AGMO: variants seen among roughly 807,000 people sequenced by gnomAD.
AGMO encodes the protein glyceryl-ether monooxygenase.
Under a neutral mutation model 60.2 loss-of-function variants are expected in AGMO, and 75 were observed. The observed-to-expected ratio is 1.25, with a 90% CI of 1.03 to 1.51. The LOEUF (loss-of-function observed/expected upper bound fraction) is 1.51, where lower values mean the gene tolerates loss of function less well. Among genes scored for constraint, AGMO ranks in the 40% most tolerant of loss-of-function variants. The pLI is 0.00. For synonymous variants in AGMO, 261 were observed against 177.1 expected (o/e 1.47, Z -3.76); for missense variants, 763 against 525.5 (o/e 1.45, Z -4.42).
At chr7:15,394,271 A>C (rs986774498) in intron 5 of AGMO, 92 bp from the exon 6 acceptor site, 5 of 996,942 alleles carry the variant, frequency 5.0e-6, no homozygotes, top group Middle Eastern at 2.4e-4. Flanking sequence ...ACATAAATTA[A>C]GAGATATTGC....
chr7:15,132,500 C>G, the AGMO span, among the ~76,000 whole-genome samples: 7 of 152,282 alleles, frequency 4.6e-5, no homozygotes, highest in Non-Finnish European at 1.0e-4. Flanking sequence ...CTCCAACTTA[C>G]AAACCTCAGT....
At chr7:15,518,261 T>C (rs1207909098) in intron 3 of AGMO, among the ~76,000 whole-genome samples, 1 of 152,142 alleles carries the variant, frequency 6.6e-6, no homozygotes, top group Non-Finnish European at 1.5e-5. Flanking sequence ...GACTTAAACA[T>C]TCCTGCCTGC....
chr7:15,321,005 T>C (rs1169463988), intron 12 of AGMO, among the ~76,000 whole-genome samples: 1 of 152,154 alleles, frequency 6.6e-6, no homozygotes, highest in Admixed American at 6.6e-5. Flanking sequence ...ACTCACCCTG[T>C]CCTAGCAATA....
intron 12 of AGMO, among the ~76,000 whole-genome samples, chr7:15,239,271 T>G (rs1782518380): frequency 6.6e-6 from 1 of 152,072 alleles, no homozygotes; most frequent in Non-Finnish European, 1.5e-5. Context: ...CAGTATAGGA[T>G]CCATAGGAAC....
rs1028070971 is a variant in AGMO, at chr7:15,366,177, G to C, written c.1120C>G (p.Leu374Val). The C allele has an allele frequency of 1.9e-6, 3 of 1,609,022 alleles. No individual in the cohort carries two copies. In the African/African-American group the frequency reaches 4.0e-5, roughly 22 times the overall value. ...AGAAATCCAATGGAAGTCAAGGTCAGGATAATGAAGCAAACCCTCAGAAGG... is the reference window on the plus strand; with the variant it reads ...AGAAATCCAATGGAAGTCAAGGTCACGATAATGAAGCAAACCCTCAGAAGG... ...TLLLRVCFII[L>V]TLTSIGFLLD... Residue 374 changes from leucine to valine, a missense_variant, in exon 11 of 13, where the codon CTG (leucine) becomes GTG (valine). By Grantham distance (32) the Leu-to-Val change is conservative. Coordinates refer to ENST00000342526, the MANE Select transcript of AGMO (RefSeq NM_001004320.2).
intron 5 of AGMO, among the ~76,000 whole-genome samples, chr7:15,405,977 T>A (rs765399406): frequency 1.3e-5 from 2 of 151,898 alleles, no homozygotes; most frequent in Non-Finnish European, 2.9e-5. Context: ...ATTTCCATCA[T>A]GTTCCTTGTG....
At chr7:15,470,473 A>C (rs981822740) in intron 3 of AGMO, among the ~76,000 whole-genome samples, 1 of 151,906 alleles carries the variant, frequency 6.6e-6, no homozygotes, top group Non-Finnish European at 1.5e-5. Flanking sequence ...ATTGTTTCTA[A>C]AATTTTTCAA....
chr7:15,321,587 G>A (rs924728178), intron 12 of AGMO, among the ~76,000 whole-genome samples: 1 of 152,186 alleles, frequency 6.6e-6, no homozygotes, highest in African/African-American at 2.4e-5. Context: ...AGCATTTGTA[G>A]ATAAGACAAT....
intron 12 of AGMO, among the ~76,000 whole-genome samples, chr7:15,235,089 CA>C: frequency 6.6e-6 from 1 of 152,148 alleles, no homozygotes. Flanking sequence ...ATAGATTCTG[CA>C]AATCTATAGA....
chr7:15,478,779 G>C (rs1170777970), intron 3 of AGMO, among the ~76,000 whole-genome samples: 1 of 152,100 alleles, frequency 6.6e-6, no homozygotes, highest in African/African-American at 2.4e-5. Flanking sequence ...AAGATCTTAA[G>C]CAATTACTTT....
chr7:15,416,692 A>G (rs1478978003), intron 5 of AGMO, among the ~76,000 whole-genome samples: 2 of 152,202 alleles, frequency 1.3e-5, no homozygotes, highest in African/African-American at 4.8e-5. Flanking sequence ...TGGAGATCCA[A>G]GTATGATGCC....
At chr7:15,355,096 A>G (rs1175814742) in intron 12 of AGMO, among the ~76,000 whole-genome samples, 3 of 152,218 alleles carry the variant, frequency 2.0e-5, no homozygotes, top group Non-Finnish European at 4.4e-5. Flanking sequence ...AAATTTTGAT[A>G]TGATGTAGGG....
At chr7:15,245,927 C>G (rs1166467650) in intron 12 of AGMO, among the ~76,000 whole-genome samples, 2 of 152,078 alleles carry the variant, frequency 1.3e-5, no homozygotes, top group African/African-American at 2.4e-5. Context: ...CAATCAGACA[C>G]TACATAAATG....
intron 12 of AGMO, among the ~76,000 whole-genome samples, chr7:15,256,617 C>G (rs1427554626): frequency 6.6e-6 from 1 of 152,206 alleles, no homozygotes; most frequent in Non-Finnish European, 1.5e-5. Flanking sequence ...CCACCTCGGC[C>G]TCCCAAAGTG....
chr7:15,488,620 A>C (rs558891562), intron 3 of AGMO, among the ~76,000 whole-genome samples: 1 of 152,274 alleles, frequency 6.6e-6, no homozygotes, highest in Admixed American at 6.5e-5. Flanking sequence ...GAATCACAGC[A>C]AATATTTCAT....
At chr7:15,131,025 A>G in the AGMO span, among the ~76,000 whole-genome samples, 1 of 151,990 alleles carries the variant, frequency 6.6e-6, no homozygotes, top group African/African-American at 2.4e-5. Context: ...TAGCTATATC[A>G]TTCTGTTTCA....
At chr7:15,539,092 G>A (rs1031681362) in intron 3 of AGMO, among the ~76,000 whole-genome samples, 2 of 151,880 alleles carry the variant, frequency 1.3e-5, no homozygotes, top group African/African-American at 4.8e-5. Context: ...AGTAAAAGGT[G>A]CAACTGGGTA....
At chr7:15,198,221 G>A (rs951674141), downstream of AGMO, among the ~76,000 whole-genome samples, 1 of 114,398 alleles carries the variant, frequency 8.7e-6, no homozygotes, top group African/African-American at 4.8e-5. Context: ...GAGAGAGAGA[G>A]AGAGAGAGAG....
chr7:15,526,839 C>A (rs1784141302), intron 3 of AGMO, among the ~76,000 whole-genome samples: 2 of 152,182 alleles, frequency 1.3e-5, no homozygotes, highest in Non-Finnish European at 2.9e-5. Context: ...CTCTGTATCA[C>A]ACACTGGTAA....
Sources: gnomAD v4.1 joint callset for allele counts (sites outside exome capture counted in the v4.1 genomes callset) on GRCh38, gnomAD v4.1.1 for gene constraint, MANE v1.5 for transcripts, NCBI Gene and HGNC (gene_info 2026-07-23, HGNC 2026-07-21) for gene names.